Variants in NPC1 observed in about 807,000 individuals in gnomAD.
The protein encoded by NPC1 is Niemann-Pick C1 protein.
A neutral mutation model predicts 140.4 loss-of-function variants in NPC1; 85 were observed. The ratio of observed to expected loss-of-function variants is 0.61; its 90% CI spans 0.51 to 0.72. The LOEUF is 0.72. NPC1 is among the 30% of genes least tolerant of loss of function. NPC1 has a pLI of 0.00. For missense variants in NPC1, 1,504 were observed against 1,623.8 expected (o/e 0.93, Z 1.27); for synonymous variants, 656 against 624.8 (o/e 1.05, Z -0.74).
At chr18:23,510,673 T>G (rs1461028632) in intron 3 of NPC1, among the ~76,000 whole-genome samples, 1 of 148,634 alleles carries the variant, frequency 6.7e-6, no homozygotes, top group African/African-American at 2.5e-5. Context: ...GCAAAGGACA[T>G]GAGCAGACAC....
chr18:23,574,692 TC>T (rs1236837120), intron 1 of NPC1, among the ~76,000 whole-genome samples: 19 of 152,318 alleles, frequency 1.2e-4, no homozygotes, highest in African/African-American at 4.1e-4. Flanking sequence ...TTTCAGATGT[TC>T]TAAAATAAAA....
chr18:23,509,060 T>A, intron 3 of NPC1: 2 of 354,682 alleles, frequency 5.6e-6, no homozygotes. Flanking sequence ...AGAAAATTTG[T>A]TTTGTTAATT....
In NPC1 at chr18:23,535,568, G is replaced by A. The variant is rs777004814; in HGVS notation, c.3378C>T (p.Ile1126=). 2 of 1,614,030 alleles carry A rather than the reference G, an allele frequency of 1.2e-6. No homozygotes were observed. The highest frequency in any genetic ancestry group is 3.3e-5 in the Admixed American group (2 of 60,004). ...AGACCATGGCGATGGTGGCACACATGATGACTGCAGACCAGAGCTCACAGC... is the reference window on the plus strand; with the variant it reads ...AGACCATGGCGATGGTGGCACACATAATGACTGCAGACCAGAGCTCACAGC... ...LLGCELWSAV[I]MCATIAMVLV... is the part of the protein sequence containing the mutation. Residue 1126 remains isoleucine, a synonymous_variant, in exon 22 of 25, where the codon ATC becomes ATT. Coordinates refer to ENST00000269228, the MANE Select transcript of NPC1 (RefSeq NM_000271.5).
At chr18:23,507,645 T>G (rs1049683670) in intron 3 of NPC1, among the ~76,000 whole-genome samples, 9 of 152,222 alleles carry the variant, frequency 5.9e-5, no homozygotes, top group African/African-American at 2.2e-4. Flanking sequence ...GTTAGTTTCT[T>G]CCATCAGTTT....
chr18:23,526,854 T>G, downstream of NPC1: 2 of 1,506,002 alleles, frequency 1.3e-6, no homozygotes, highest in South Asian at 2.6e-5. Context: ...TACATTGTTG[T>G]GTCTTGTCTG....
At chr18:23,572,379 T>C (rs1027839200) in intron 2 of NPC1, among the ~76,000 whole-genome samples, 199 bp from the exon 3 acceptor site, 1 of 152,258 alleles carries the variant, frequency 6.6e-6, no homozygotes, top group Non-Finnish European at 1.5e-5. Flanking sequence ...TAGAGATGTT[T>C]CTAATTTTCT....
At chr18:23,513,402 G>C (rs776210333) in intron 3 of NPC1, among the ~76,000 whole-genome samples, 1 of 152,154 alleles carries the variant, frequency 6.6e-6, no homozygotes, top group Non-Finnish European at 1.5e-5. Flanking sequence ...TGATAATACC[G>C]CACTGAGCGT....
chr18:23,538,136 C>T (rs1461425857), intron 20 of NPC1, among the ~76,000 whole-genome samples: 1 of 152,126 alleles, frequency 6.6e-6, no homozygotes, highest in African/African-American at 2.4e-5. Context: ...AGAATCGCAA[C>T]CTTAATGTGG....
At chr18:23,518,893 C>G, downstream of NPC1, 2 of 1,613,842 alleles carry the variant, frequency 1.2e-6, no homozygotes, top group Non-Finnish European at 1.7e-6. Context: ...TAATTAGATA[C>G]GGGCAGCTGT....
downstream of NPC1, chr18:23,530,363 T>C: frequency 6.2e-7 from 1 of 1,614,056 alleles, no homozygotes; most frequent in Non-Finnish European, 8.5e-7. Flanking sequence ...TGCACTGACC[T>C]GGACTTCTCT....
chr18:23,515,943 A>G (rs2057990890), intron 3 of NPC1: 1 of 1,613,956 alleles, frequency 6.2e-7, no homozygotes. Flanking sequence ...GAGCGCCGTG[A>G]TCTTGCTGTC....
rs866200919 is a variant in NPC1, at chr18:23,554,791, G to A, written c.1520C>T (p.Ala507Val). 6.2e-7 allele frequency: 1 copy of A among 1,613,984 alleles called. No homozygotes were observed. The highest frequency in any genetic ancestry group is 8.5e-7 in the Non-Finnish European group (1 of 1,179,912). The change falls in exon 9 of 25, where the codon GCC (alanine) becomes GTC (valine). Residue 507 changes from alanine (A) to valine (V), a missense_variant. By Grantham distance (64) the Ala-to-Val change is moderately conservative. Transcript: ENST00000269228. ...GTACAGAAAGTGCGTGTGGTAATCG[G>A]CATACACAAAGAAGTCGTCCCCTTT... ...HKKGDDFFVY[A>V]DYHTHFLYCV...
intron 16 of NPC1, among the ~76,000 whole-genome samples, 200 bp downstream of exon 16, chr18:23,540,868 T>G (rs1261323050): frequency 6.6e-6 from 1 of 152,252 alleles, no homozygotes; most frequent in Non-Finnish European, 1.5e-5. Flanking sequence ...AATAAAAAAC[T>G]TAAAACTCTT....
chr18:23,516,561 A>AGT, intron 3 of NPC1: 2 of 804,738 alleles, frequency 2.5e-6, no homozygotes, highest in Non-Finnish European at 4.0e-6. Context: ...CTGGGTATTC[A>AGT]GTGTATAGGT....
rs570271969 is a variant in NPC1 at position 23,553,297 on chromosome 18, T to C, written c.1553+1461A>G. 2.8e-4 allele frequency among the ~76,000 whole-genome samples: 43 copies of C among 152,358 alleles called. No homozygotes were observed. In the South Asian group the frequency reaches 8.7e-3, roughly 31 times the overall value. On this transcript the variant is annotated intron_variant, in intron 9 of 24. Coordinates refer to ENST00000269228, the MANE Select transcript of NPC1 (RefSeq NM_000271.5). ...TTAAATGGTTGTCCAATTATAAAAA[T>C]TATGTAACATTAAATGTTTTTTGTT...
intron 16 of NPC1, 93 bp downstream of exon 16, chr18:23,540,975 A>C: frequency 7.1e-7 from 1 of 1,410,976 alleles, no homozygotes; most frequent in Non-Finnish European, 1.0e-6. Context: ...AACAGCTTTA[A>C]GAATCTCCTT....
At chr18:23,513,056 C>T (rs1234513029) in intron 3 of NPC1, among the ~76,000 whole-genome samples, 3 of 152,026 alleles carry the variant, frequency 2.0e-5, no homozygotes, top group Admixed American at 6.6e-5. Context: ...TGGGTTCAGG[C>T]GATTCTCCTG....
chr18:23,512,962 C>CTTTTTTTTTTTTTTTTTTTTTTTTTTTT (rs949706174), intron 3 of NPC1, among the ~76,000 whole-genome samples: 1 of 150,642 alleles, frequency 6.6e-6, no homozygotes, highest in South Asian at 2.1e-4. Context: ...AATTTGACTC[C>CTTTTTTTTTTTTTTTTTTTTTTTTTTTT]TTTTTTTTTA....
In NPC1 at chr18:23,560,232, T is replaced by C. The variant is rs1439568211; in HGVS notation, c.880A>G (p.Arg294Gly). ...TGGATGACAAACAAAACTGCTTACCTGTAGCACCACACTGCAAAAAATGCT... is the reference window on the plus strand; with the variant it reads ...TGGATGACAAACAAAACTGCTTACCCGTAGCACCACACTGCAAAAAATGCT... Reference protein sequence around the residue: ...FGAFFAVWCYRKRYFVSEYTP... With the variant: ...FGAFFAVWCYGKRYFVSEYTP... The change falls in exon 6 of 25, where the codon AGA becomes GGA. Residue 294 changes from arginine (R) to glycine (G), a missense_variant and splice_region_variant. Coordinates refer to ENST00000269228, the MANE Select transcript of NPC1 (RefSeq NM_000271.5). The C allele has an allele frequency of 1.2e-6, 2 of 1,614,018 alleles. No homozygotes were observed. Among genetic ancestry groups the C allele is most frequent in the South Asian group, 1.1e-5 (1 of 91,078 alleles).
Sources: gnomAD v4.1 joint callset for allele counts (sites outside exome capture counted in the v4.1 genomes callset) on GRCh38, gnomAD v4.1.1 for gene constraint, MANE v1.5 for transcripts, NCBI Gene and HGNC (gene_info 2026-07-23, HGNC 2026-07-21) for gene names.